MAN2A1: variants seen among roughly 807,000 people sequenced by gnomAD.
MAN2A1 encodes the protein alpha-mannosidase 2.
A neutral mutation model predicts 142.6 loss-of-function variants in MAN2A1; 76 were observed. That is an observed-to-expected ratio of 0.53 (90% CI 0.44 to 0.65). The LOEUF is 0.65. Among genes scored for constraint, MAN2A1 ranks in the 30% least tolerant of loss-of-function variants. MAN2A1 has a pLI of 0.00. For missense variants in MAN2A1, 1,311 were observed against 1,365.1 expected (o/e 0.96, Z 0.62); for synonymous variants, 559 against 473.2 (o/e 1.18, Z -2.35).
chr5:109,799,039 A>G (rs182073835), intron 12 of MAN2A1, among the ~76,000 whole-genome samples: 50 of 152,102 alleles, frequency 3.3e-4, no homozygotes, highest in East Asian at 2.1e-3. Flanking sequence ...TTCATCTTCA[A>G]TGCTACTACC....
intron 21 of MAN2A1, 118 bp from the exon 22 acceptor site, chr5:109,866,725 CAAA>C (rs1755893044): frequency 3.4e-6 from 2 of 584,240 alleles, no homozygotes; most frequent in Non-Finnish European, 5.9e-6. Context: ...CTTTTTTCCT[CAAA>C]AGAGAACTTC....
intron 4 of MAN2A1, among the ~76,000 whole-genome samples, chr5:109,748,979 A>T: frequency 6.6e-6 from 1 of 151,726 alleles, no homozygotes; most frequent in East Asian, 1.9e-4. Flanking sequence ...TCTTTAGGAT[A>T]TAAGTTGATT....
intron 12 of MAN2A1, among the ~76,000 whole-genome samples, chr5:109,805,922 C>G (rs3776933): frequency 0.38 from 57,818 of 151,922 alleles, 11,984 homozygotes; most frequent in African/African-American, 0.55. Flanking sequence ...TATTATGTAG[C>G]AAATTTTCTT....
intron 8 of MAN2A1, among the ~76,000 whole-genome samples, chr5:109,778,123 A>G (rs993370893): frequency 6.6e-6 from 1 of 151,668 alleles, no homozygotes; most frequent in African/African-American, 2.4e-5. Context: ...GTGGGATTGC[A>G]TTGAATCTTT....
intron 20 of MAN2A1, among the ~76,000 whole-genome samples, chr5:109,860,912 T>C (rs1402815814): frequency 6.6e-6 from 1 of 152,224 alleles, no homozygotes; most frequent in Admixed American, 6.5e-5. Context: ...CAGCCATAAA[T>C]TGGAGGGGTT....
In MAN2A1 at chr5:109,868,238, C is replaced by A. The variant is rs900236860; in HGVS notation, c.*1240C>A. 2 of 152,144 alleles carry A rather than the reference C, an allele frequency of 1.3e-5. No individual in the cohort carries two copies. The highest frequency in any genetic ancestry group is 2.9e-5 in the Non-Finnish European group (2 of 68,014). 9.4% of individuals were successfully genotyped at this position (152,144 alleles called of 1,614,324 possible). ...TGAAACCCACTTTTATGTAGCTCAT[C>A]ATGGTTTATCTTACTAAGGAATATG... On this transcript the variant is annotated 3_prime_UTR_variant, in exon 22 of 22. Transcript: ENST00000261483.
rs1463320249 is a variant in MAN2A1 at position 109,770,470 on chromosome 5, T to G, written c.1125T>G (p.Leu375=). 6.2e-7 allele frequency: 1 copy of G among 1,613,918 alleles called. No individual in the cohort carries two copies. The highest frequency in any genetic ancestry group is 1.7e-5 in the Admixed American group (1 of 60,002). The change falls in exon 7 of 22, where the codon CTT becomes CTG. Residue 375 remains leucine, a synonymous_variant. Coordinates refer to ENST00000261483, the MANE Select transcript of MAN2A1 (RefSeq NM_002372.4). ...GCTGCCAGTTTGATTTTAAACGTCT[T>G]CCTGGAGGCAGATTTGGTTGTCCCT... ...KICCQFDFKR[L]PGGRFGCPWG...
intron 16 of MAN2A1, among the ~76,000 whole-genome samples, chr5:109,836,992 C>A (rs934345236): frequency 4.6e-5 from 7 of 151,390 alleles, no homozygotes; most frequent in African/African-American, 1.7e-4. Context: ...GAGACAGTTA[C>A]CTCATTCTTC....
chr5:109,785,902 G>C (rs1161290447), intron 10 of MAN2A1, among the ~76,000 whole-genome samples: 1 of 152,036 alleles, frequency 6.6e-6, no homozygotes, highest in Non-Finnish European at 1.5e-5. Context: ...ACTACTCCTT[G>C]ATGAGAAAAG....
chr5:109,771,950 A>C (rs1348576322), intron 7 of MAN2A1, among the ~76,000 whole-genome samples: 1 of 152,084 alleles, frequency 6.6e-6, no homozygotes, highest in Non-Finnish European at 1.5e-5. Flanking sequence ...GCTTTTTTAT[A>C]ATCCTTTTGC....
rs1227517800 is a variant in MAN2A1, at chr5:109,776,942, T to G, written c.1374+1977T>G. Among the ~76,000 whole-genome samples, 3 of 152,190 alleles carry G rather than the reference T, an allele frequency of 2.0e-5. No homozygotes were observed. The South Asian group carries it at 6.2e-4, about 31-fold the overall frequency. On this transcript the variant is annotated intron_variant, in intron 8 of 21. Coordinates refer to ENST00000261483, the MANE Select transcript of MAN2A1 (RefSeq NM_002372.4). ...AGTAGTTCATTCCTTTTTAGTACTG[T>G]GTAGTATCTCTAGTATTCATTTTTT...
chr5:109,864,255 T>C (rs938708150), intron 20 of MAN2A1: 1 of 152,218 alleles, frequency 6.6e-6, no homozygotes, highest in African/African-American at 2.4e-5. Context: ...ACCTTCCAAC[T>C]TTAGGAAACA....
At chr5:109,833,712 A>G (rs1754990785) in intron 16 of MAN2A1, among the ~76,000 whole-genome samples, 4 of 147,302 alleles carry the variant, frequency 2.7e-5, no homozygotes, top group African/African-American at 7.6e-5. Flanking sequence ...GGGGAGGGGG[A>G]GAGGGATTGA....
intron 12 of MAN2A1, chr5:109,804,253 C>G (rs1479243765): frequency 1.0e-6 from 1 of 987,340 alleles, no homozygotes; most frequent in Non-Finnish European, 1.2e-6. Flanking sequence ...CCATCTTGGA[C>G]TTCAGAACAC....
rs777708973 is a variant in MAN2A1, at chr5:109,770,535, A to G, written c.1190A>G (p.Gln397Arg). 6.2e-7 allele frequency: 1 copy of G among 1,613,002 alleles called. No individual in the cohort carries two copies. Among genetic ancestry groups the G allele is most frequent in the Non-Finnish European group, 8.5e-7 (1 of 1,179,452 alleles). Residue 397 changes from glutamine to arginine, a missense_variant, in exon 7 of 22, where the codon CAA (glutamine) becomes CGA (arginine). Around this residue, in one of 3 missense-constraint regions of MAN2A1, gnomAD observed 890 missense variants for 920.5 expected, o/e 0.97. Coordinates refer to ENST00000261483, the MANE Select transcript of MAN2A1 (RefSeq NM_002372.4). ...PPETIHPGNV[Q>R]SRARMLLDQY... ...GAAACAATACATCCTGGAAATGTCC[A>G]AAGCAGGTATGAAAATGCGTATTTC...
At chr5:109,743,664 CCCCTGCT>C (rs1429684730) in intron 4 of MAN2A1, among the ~76,000 whole-genome samples, 1 of 152,174 alleles carries the variant, frequency 6.6e-6, no homozygotes, top group Non-Finnish European at 1.5e-5. Flanking sequence ...CAGACTCTGA[CCCCTGCT>C]TTTCGTCTCC....
chr5:109,788,765 G>A (rs1753662519), intron 10 of MAN2A1, among the ~76,000 whole-genome samples, 169 bp from the exon 11 acceptor site: 1 of 151,688 alleles, frequency 6.6e-6, no homozygotes, highest in Admixed American at 6.6e-5. Flanking sequence ...ATCTTCTGAT[G>A]TACTTAGTTC....
intron 12 of MAN2A1, among the ~76,000 whole-genome samples, chr5:109,816,236 T>C (rs1243729053): frequency 6.6e-6 from 1 of 152,066 alleles, no homozygotes; most frequent in African/African-American, 2.4e-5. Flanking sequence ...TCAAATATAG[T>C]TTACTAATAA....
intron 1 of MAN2A1, among the ~76,000 whole-genome samples, chr5:109,706,124 C>G (rs114553229): frequency 0.053 from 8,128 of 152,276 alleles, 227 homozygotes; most frequent in South Asian, 0.098. Context: ...CATATACTAA[C>G]TAATCCTCAT....
Sources: allele counts gnomAD v4.1 joint callset (sites outside exome capture counted in the v4.1 genomes callset), GRCh38; gene constraint gnomAD v4.1.1; regional missense constraint gnomAD v4.1.1; transcripts MANE v1.5; gene names NCBI Gene and HGNC (gene_info 2026-07-23, HGNC 2026-07-21).